Variants in STARD3NL observed in about 807,000 individuals in gnomAD.
STARD3NL encodes STARD3 N-terminal like, also known as STARD3 N-terminal-like protein.
STARD3NL carries 17 observed loss-of-function variants against 30.9 expected under a neutral mutation model. That is an observed-to-expected ratio of 0.55 (90% CI 0.38 to 0.82). The LOEUF (loss-of-function observed/expected upper bound fraction) is 0.82. Among genes scored for constraint, STARD3NL ranks in the 40% least tolerant of loss-of-function variants. The probability of loss-of-function intolerance (pLI) is 0.00; values close to 1 mark genes in which losing one functional copy is unlikely to be tolerated. For synonymous variants in STARD3NL, 112 were observed against 100.5 expected (o/e 1.11, Z -0.69); for missense variants, 234 against 277.6 (o/e 0.84, Z 1.12).
intron 1 of STARD3NL, among the ~76,000 whole-genome samples, chr7:38,204,771 C>G (rs933425714): frequency 6.6e-6 from 1 of 151,888 alleles, no homozygotes; most frequent in Non-Finnish European, 1.5e-5. Context: ...AGAGAAGAAT[C>G]AAATAGATGC....
intron 1 of STARD3NL, among the ~76,000 whole-genome samples, chr7:38,203,421 C>T (rs1562608874): frequency 6.6e-6 from 1 of 152,122 alleles, no homozygotes; most frequent in Non-Finnish European, 1.5e-5. Flanking sequence ...TACAGATAAG[C>T]AAATGCTGAG....
At chr7:38,211,559 G>A (rs1206652222) in intron 2 of STARD3NL, among the ~76,000 whole-genome samples, 1 of 152,196 alleles carries the variant, frequency 6.6e-6, no homozygotes. Flanking sequence ...TGAATAGGTA[G>A]GCTGGTGCTA....
chr7:38,189,464 G>A (rs1784595053), intron 1 of STARD3NL, among the ~76,000 whole-genome samples: 3 of 152,270 alleles, frequency 2.0e-5, no homozygotes, highest in South Asian at 4.2e-4. Context: ...TAAAAGATCT[G>A]TCTTTCCCCA....
At chr7:38,200,914 T>C (rs1368459650) in intron 1 of STARD3NL, among the ~76,000 whole-genome samples, 1 of 152,216 alleles carries the variant, frequency 6.6e-6, no homozygotes, top group Non-Finnish European at 1.5e-5. Context: ...CAAATGTTTC[T>C]GAGTTTGAAT....
intron 7 of STARD3NL, among the ~76,000 whole-genome samples, chr7:38,223,180 A>C (rs1786565151): frequency 6.6e-6 from 1 of 152,224 alleles, no homozygotes; most frequent in African/African-American, 2.4e-5. Flanking sequence ...ACCATAAACA[A>C]AAATGTTAGC....
intron 1 of STARD3NL, among the ~76,000 whole-genome samples, chr7:38,204,440 A>G (rs1267277205): frequency 6.6e-6 from 1 of 152,174 alleles, no homozygotes; most frequent in Non-Finnish European, 1.5e-5. Flanking sequence ...AAACCAACAA[A>G]AACAAAGACA....
chr7:38,226,284 GT>G, intron 7 of STARD3NL, among the ~76,000 whole-genome samples: 1 of 148,720 alleles, frequency 6.7e-6, no homozygotes, highest in East Asian at 2.0e-4. Flanking sequence ...TTATATAGCT[GT>G]GCTAAATCTG....
At chr7:38,196,951 T>A (rs1206524428) in intron 1 of STARD3NL, among the ~76,000 whole-genome samples, 1 of 152,176 alleles carries the variant, frequency 6.6e-6, no homozygotes, top group African/African-American at 2.4e-5. Flanking sequence ...GTAATTGTAA[T>A]GGGCAGTTCG....
At position 38,217,451 on chromosome 7, in the gene STARD3NL, A is replaced by G; in HGVS notation, c.553+146A>G. 1.4e-5 allele frequency: 10 copies of G among 709,456 alleles called. No individual in the cohort carries two copies. In the South Asian group the frequency reaches 1.8e-4, roughly 13 times the overall value. The allele number at this position is 709,456 out of a possible 1,614,324, so 43.9% of individuals were successfully genotyped here. A position where few individuals can be genotyped will look rare whatever the true frequency, so the allele number is the denominator to read the frequency against. On this transcript the variant is annotated intron_variant, in intron 6 of 8. Coordinates refer to ENST00000009041, the MANE Select transcript of STARD3NL (RefSeq NM_032016.4). ...TCATTCTTTAGTGGCTACAGCAGAA[A>G]TCGAGAGAAGGGTTGGGTGGATGAA...
At chr7:38,195,205 C>T (rs1784850383) in intron 1 of STARD3NL, among the ~76,000 whole-genome samples, 3 of 152,058 alleles carry the variant, frequency 2.0e-5, no homozygotes, top group Admixed American at 6.6e-5. Flanking sequence ...TACAGGCGCA[C>T]GTCACCATGC....
intron 7 of STARD3NL, among the ~76,000 whole-genome samples, chr7:38,222,730 A>G (rs2116411363): frequency 6.6e-6 from 1 of 152,314 alleles, no homozygotes; most frequent in African/African-American, 2.4e-5. Context: ...AAGGTAAACA[A>G]AAACAAAACA....
In STARD3NL at chr7:38,185,150, G is replaced by A. The variant is rs997394675; in HGVS notation, c.-59+6730G>A. ...AAACATGAGTTAGGCTGATGATAAA[G>A]GGGATCACGAGGTTACTTCGGTTGC... On this transcript the variant is annotated intron_variant, in intron 1 of 8. Transcript: ENST00000009041. 3.3e-5 allele frequency among the ~76,000 whole-genome samples: 5 copies of A among 152,196 alleles called. No homozygotes were observed. The South Asian group carries it at 6.2e-4, about 19-fold the overall frequency.
chr7:38,219,072 T>C (rs1207277939), intron 6 of STARD3NL, among the ~76,000 whole-genome samples: 1 of 152,178 alleles, frequency 6.6e-6, no homozygotes, highest in African/African-American at 2.4e-5. Context: ...AATTATTTAT[T>C]CTGAGACAGG....
intron 1 of STARD3NL, among the ~76,000 whole-genome samples, chr7:38,191,840 C>A (rs1268615681): frequency 1.3e-5 from 2 of 151,618 alleles, no homozygotes; most frequent in Non-Finnish European, 2.9e-5. Context: ...GTTCTTTTCC[C>A]AGATTGCTTT....
At position 38,194,354 on chromosome 7, in the gene STARD3NL, TAA is replaced by T. The variant is rs1173876278; in HGVS notation, c.-58-13091_-58-13090del. Among the ~76,000 whole-genome samples the T allele has an allele frequency of 2.0e-5, 3 of 152,128 alleles. No homozygotes were observed. In the South Asian group the frequency reaches 6.2e-4, roughly 31 times the overall value. The stretch of plus-strand genomic sequence containing the variant: ...AGGCACAAAAGTAGAGTTTTTGTTA[TAA>T]AGAGTCACATTTTTCCCACTCCCCA... On this transcript the variant is annotated intron_variant, in intron 1 of 8. Coordinates refer to ENST00000009041, the MANE Select transcript of STARD3NL (RefSeq NM_032016.4).
At chr7:38,193,678 G>A (rs1784786876) in intron 1 of STARD3NL, among the ~76,000 whole-genome samples, 1 of 152,190 alleles carries the variant, frequency 6.6e-6, no homozygotes, top group Non-Finnish European at 1.5e-5. Context: ...TGACTTGTGG[G>A]AGCGGTTGTG....
In STARD3NL at chr7:38,217,056, T is replaced by C; in HGVS notation, c.413T>C (p.Leu138Pro). Residue 138 changes from leucine to proline, a missense_variant, in exon 5 of 9, where the codon CTA becomes CCA. Transcript: ENST00000009041. ...ACGGCAGTGACCAGTGCCTTTTTACTAGCAAAAGTGATCCTTTCGAAGGTA... is the reference window on the plus strand; with the variant it reads ...ACGGCAGTGACCAGTGCCTTTTTACCAGCAAAAGTGATCCTTTCGAAGGTA... ...LTTAVTSAFLLAKVILSKLFS... is the reference protein window; with the variant it reads ...LTTAVTSAFLPAKVILSKLFS... 1 of 1,614,144 alleles carries C rather than the reference T, an allele frequency of 6.2e-7. No individual in the cohort carries two copies. Among genetic ancestry groups the C allele is most frequent in the Non-Finnish European group, 8.5e-7 (1 of 1,179,968 alleles).
chr7:38,201,708 A>C (rs1785186102), intron 1 of STARD3NL: 1 of 123,266 alleles, frequency 8.1e-6, no homozygotes, highest in Non-Finnish European at 1.8e-5. Context: ...TTTTGTTTTG[A>C]GACAGGGTCT....
chr7:38,179,875 G>T (rs1055884665), intron 1 of STARD3NL, among the ~76,000 whole-genome samples: 1 of 152,178 alleles, frequency 6.6e-6, no homozygotes, highest in Non-Finnish European at 1.5e-5. Context: ...AAAATGGGCT[G>T]GAAGTTTCTA....
Sources: allele counts gnomAD v4.1 joint callset (sites outside exome capture counted in the v4.1 genomes callset), GRCh38; gene constraint gnomAD v4.1.1; transcripts MANE v1.5; gene names NCBI Gene and HGNC (gene_info 2026-07-23, HGNC 2026-07-21).